The following ITGA4 variants were observed in gnomAD, a reference collection of about 807,000 sequenced individuals.
ITGA4 encodes the protein integrin alpha-4.
Under a neutral mutation model 133.6 loss-of-function variants are expected in ITGA4, and 63 were observed. The ratio of observed to expected loss-of-function variants is 0.47; its 90% CI spans 0.38 to 0.58. The LOEUF is 0.58. Ranked by LOEUF, ITGA4 falls within the 20% of genes least tolerant of loss-of-function variation. ITGA4 has a pLI of 0.00. For missense variants in ITGA4, 1,076 were observed against 1,252.7 expected (o/e 0.86, Z 2.13); for synonymous variants, 483 against 438.0 (o/e 1.10, Z -1.28).
chr2:181,488,528 A>G (rs1431762583), intron 10 of ITGA4, among the ~76,000 whole-genome samples: 8 of 151,898 alleles, frequency 5.3e-5, no homozygotes, highest in African/African-American at 7.3e-5. Context: ...ATAATGCCAT[A>G]TATCTTTTTC....
At position 181,534,836 on chromosome 2, in the gene ITGA4, T is replaced by C. The variant is rs1298693040; in HGVS notation, c.2904T>C (p.His968=). 1.3e-6 allele frequency: 2 copies of C among 1,597,224 alleles called. No homozygotes were observed. The highest frequency in any genetic ancestry group is 3.6e-5 in the Admixed American group (2 of 55,608). The change falls in exon 27 of 28, where the codon CAT becomes CAC. Residue 968 remains histidine (H), a synonymous_variant. Coordinates refer to ENST00000397033, the MANE Select transcript of ITGA4 (RefSeq NM_000885.6). ...NVAHVLLEGL[H]HQRPKRYFTI... is the part of the protein sequence containing the mutation. ...CGTAGGTTCTACTGGAAGGACTACA[T>C]CATCAAAGACCCAAACGTTATTTCA... is the stretch of plus-strand genomic sequence containing the variant.
intron 17 of ITGA4, among the ~76,000 whole-genome samples, chr2:181,520,530 A>G (rs1686695962): frequency 6.6e-6 from 1 of 152,044 alleles, no homozygotes; most frequent in Non-Finnish European, 1.5e-5. Context: ...GGATTAAAGG[A>G]GAGGAGAAGG....
chr2:181,487,048 C>T (rs1014184681), intron 10 of ITGA4, among the ~76,000 whole-genome samples: 6 of 152,016 alleles, frequency 3.9e-5, no homozygotes, highest in Admixed American at 6.6e-5. Context: ...CCTTCTTAAA[C>T]GTAAAATAGT....
At chr2:181,534,670 A>G (rs1687017944) in intron 26 of ITGA4, 146 bp from the exon 27 acceptor site, 1 of 690,522 alleles carries the variant, frequency 1.4e-6, no homozygotes, top group African/African-American at 1.8e-5. Context: ...TGTTTCCTGC[A>G]ATTATATTAG....
chr2:181,481,715 A>AC (rs1426803415), intron 7 of ITGA4, 32 bp downstream of exon 7: 3 of 1,130,240 alleles, frequency 2.7e-6, no homozygotes, highest in Non-Finnish European at 3.9e-6. Context: ...TTATTTCTTC[A>AC]CAAAGGTTCA....
rs1268767717 is a variant in ITGA4, at chr2:181,537,130, A to C, written c.*1603A>C. ...TATGACATTTATGTATTTTTAAAAA[A>C]CTTTGTATCGTTATAAAAAGGCTAG... On this transcript the variant is annotated 3_prime_UTR_variant, in exon 28 of 28. Transcript: ENST00000397033. The C allele has an allele frequency of 2.2e-6, 1 of 453,278 alleles. No individual in the cohort carries two copies. Among genetic ancestry groups the C allele is most frequent in the East Asian group, 6.9e-5 (1 of 14,398 alleles). The allele number at this position is 453,278 out of a possible 1,614,324, so 28.1% of individuals were successfully genotyped here.
At chr2:181,461,660 C>G (rs1685282528) in intron 2 of ITGA4, among the ~76,000 whole-genome samples, 1 of 152,116 alleles carries the variant, frequency 6.6e-6, no homozygotes, top group Non-Finnish European at 1.5e-5. Context: ...AAATGATTAT[C>G]AAATTACACT....
intron 14 of ITGA4, among the ~76,000 whole-genome samples, chr2:181,497,058 A>T (rs1686171319): frequency 6.6e-6 from 1 of 152,180 alleles, no homozygotes; most frequent in African/African-American, 2.4e-5. Flanking sequence ...CAGTAATAAG[A>T]GGGTGGACAA....
intron 17 of ITGA4, among the ~76,000 whole-genome samples, chr2:181,519,875 A>G (rs1169854439): frequency 6.6e-6 from 1 of 152,138 alleles, no homozygotes; most frequent in Non-Finnish European, 1.5e-5. Context: ...AACTTATCCA[A>G]TAATTTCCCC....
At chr2:181,515,518 A>T (rs1260709797) in intron 17 of ITGA4, among the ~76,000 whole-genome samples, 1 of 152,118 alleles carries the variant, frequency 6.6e-6, no homozygotes, top group Non-Finnish European at 1.5e-5. Flanking sequence ...TCCTGAAAAT[A>T]TAGCTGCTGT....
At chr2:181,486,158 T>G (rs1685913603) in intron 10 of ITGA4, 166 bp downstream of exon 10, 1 of 755,420 alleles carries the variant, frequency 1.3e-6, no homozygotes, top group Admixed American at 3.8e-5. Flanking sequence ...TCTCCTCAAT[T>G]GTCACCCATT....
chr2:181,460,126 A>G (rs996964088), intron 2 of ITGA4, among the ~76,000 whole-genome samples: 3 of 152,226 alleles, frequency 2.0e-5, no homozygotes, highest in Admixed American at 1.3e-4. Context: ...ACTGATGAGT[A>G]AGATAATTGA....
chr2:181,507,674 A>G (rs1301640688), intron 15 of ITGA4, among the ~76,000 whole-genome samples: 1 of 152,126 alleles, frequency 6.6e-6, no homozygotes. Context: ...TATACTTTAA[A>G]TCACCTCTAA....
In ITGA4 at chr2:181,523,231, C is replaced by T. The variant is rs944777619; in HGVS notation, c.2074-206C>T. 1.3e-4 allele frequency: 57 copies of T among 432,084 alleles called. No individual in the cohort carries two copies. Among genetic ancestry groups the T allele is most frequent in the African/African-American group, 1.1e-3 (54 of 50,114 alleles). The allele number at this position is 432,084 out of a possible 1,614,324, so 26.8% of individuals were successfully genotyped here. ...ACATATATACACACATATATACATA[C>T]ATATATATACACATACATATATACA... is the stretch of plus-strand genomic sequence containing the variant. On this transcript the variant is annotated intron_variant, in intron 18 of 27. Transcript: ENST00000397033. This position sits in a 1 kb window ranked among gnomAD's most constrained non-coding sequence, Gnocchi z 4.2.
At chr2:181,518,528 G>A (rs1686656597) in intron 17 of ITGA4, among the ~76,000 whole-genome samples, 1 of 152,006 alleles carries the variant, frequency 6.6e-6, no homozygotes, top group East Asian at 1.9e-4. Context: ...TATGTTATAT[G>A]TTTATTTTGT....
chr2:181,470,367 G>A (rs1685518619), intron 2 of ITGA4, among the ~76,000 whole-genome samples: 1 of 151,812 alleles, frequency 6.6e-6, no homozygotes. Context: ...CTTCCAGTAT[G>A]GCCCAGGGAA....
chr2:181,475,724 C>G lies in ITGA4; in HGVS notation c.556+436C>G, dbSNP rs552377344. On this transcript the variant is annotated intron_variant, in intron 4 of 27. Transcript: ENST00000397033. The stretch of plus-strand genomic sequence containing the variant: ...TAAGCAAATCTTTCATTCGCACTCA[C>G]TATCTCTTTTTCTAATTTACATGTT... The G allele has an allele frequency of 9.5e-6, 14 of 1,469,122 alleles. No homozygotes were observed. The East Asian group carries it at 3.5e-4, about 37-fold the overall frequency. 91.0% of individuals were successfully genotyped at this position (1,469,122 alleles called of 1,614,324 possible). A position where few individuals can be genotyped will look rare whatever the true frequency, so the allele number is the denominator to read the frequency against.
At chr2:181,506,336 G>A (rs1211190608) in intron 15 of ITGA4, among the ~76,000 whole-genome samples, 2 of 151,976 alleles carry the variant, frequency 1.3e-5, no homozygotes, top group African/African-American at 2.4e-5. Context: ...TCTGCTTTAT[G>A]GACATTATGT....
Position 181,498,790 on chromosome 2 carries a change from ATTTT to A in ITGA4, c.1695+16_1695+19del. 1.3e-6 allele frequency: 2 copies of A among 1,578,908 alleles called. No homozygotes were observed. Among genetic ancestry groups the A allele is most frequent in the Non-Finnish European group, 1.7e-6 (2 of 1,165,062 alleles). On this transcript the variant is annotated intron_variant, in intron 15 of 27. Transcript: ENST00000397033. ...AGCATTTATGCGGGTAATGTAAGCT[ATTTT>A]TTATTAATGAATATGTGAACTTCAA...
Sources: allele counts gnomAD v4.1 joint callset (sites outside exome capture counted in the v4.1 genomes callset), GRCh38; gene constraint gnomAD v4.1.1; non-coding constraint Gnocchi (gnomAD v3.1); transcripts MANE v1.5; gene names NCBI Gene and HGNC (gene_info 2026-07-23, HGNC 2026-07-21).